SYT1: variants seen among roughly 807,000 people sequenced by gnomAD.
SYT1 encodes synaptotagmin 1, also known as synaptotagmin-1.
A neutral mutation model predicts 44.8 loss-of-function variants in SYT1; 8 were observed. That is an observed-to-expected ratio of 0.18 (90% CI 0.10 to 0.32). SYT1 has a LOEUF of 0.32. SYT1 is among the 10% of genes least tolerant of loss of function. SYT1 has a pLI of 1.00. For missense variants in SYT1, 286 were observed against 509.3 expected, an observed-to-expected ratio of 0.56 and a Z score of 4.22; for synonymous variants, 154 against 188.8, an observed-to-expected ratio of 0.82 and a Z score of 1.51.
intron 10 of SYT1, among the ~76,000 whole-genome samples, chr12:79,446,482 A>G (rs138647477): frequency 6.6e-6 from 1 of 152,162 alleles, no homozygotes; most frequent in East Asian, 1.9e-4. Flanking sequence ...TAATTTGACC[A>G]AGGAACGTTA....
chr12:79,220,054 T>C (rs539424526), intron 4 of SYT1, among the ~76,000 whole-genome samples: 2 of 152,120 alleles, frequency 1.3e-5, no homozygotes, highest in Admixed American at 6.5e-5. Context: ...AGATATAAGG[T>C]CTTCACTTAT....
chr12:78,897,255 T>C (rs1022563703), intron 1 of SYT1, among the ~76,000 whole-genome samples: 1 of 151,836 alleles, frequency 6.6e-6, no homozygotes, highest in Non-Finnish European at 1.5e-5. Flanking sequence ...TTTAAAAATG[T>C]CAAATACCAG....
intron 2 of SYT1, among the ~76,000 whole-genome samples, chr12:79,007,122 A>G (rs1288206241): frequency 6.6e-6 from 1 of 152,154 alleles, no homozygotes; most frequent in Non-Finnish European, 1.5e-5. Context: ...GACAGGCATG[A>G]CAGCCAGCCA....
chr12:79,391,644 A>T (rs893000754), intron 9 of SYT1, among the ~76,000 whole-genome samples: 7 of 152,258 alleles, frequency 4.6e-5, no homozygotes, highest in Non-Finnish European at 7.4e-5. Context: ...AAAAGAAGAC[A>T]TTATCTTTTG....
At chr12:78,954,279 T>A (rs1013181867) in intron 1 of SYT1, among the ~76,000 whole-genome samples, 1 of 152,138 alleles carries the variant, frequency 6.6e-6, no homozygotes, top group Non-Finnish European at 1.5e-5. Flanking sequence ...ACCATGAAAA[T>A]AAATCTGCTG....
intron 2 of SYT1, among the ~76,000 whole-genome samples, chr12:79,036,168 A>G (rs1030449015): frequency 1.3e-5 from 2 of 151,816 alleles, no homozygotes; most frequent in Non-Finnish European, 2.9e-5. Flanking sequence ...TATATAGTGC[A>G]TGGCCTCCTC....
At chr12:79,133,606 G>C (rs1047402572) in intron 3 of SYT1, among the ~76,000 whole-genome samples, 2 of 152,058 alleles carry the variant, frequency 1.3e-5, no homozygotes, top group African/African-American at 2.4e-5. Context: ...CTAATGATGA[G>C]ATGACAGACC....
At chr12:78,882,970 A>T (rs901569779) in intron 1 of SYT1, among the ~76,000 whole-genome samples, 5 of 151,640 alleles carry the variant, frequency 3.3e-5, no homozygotes, top group African/African-American at 4.8e-5. Flanking sequence ...CTACCTAAAA[A>T]AGTGCAGTGA....
At chr12:79,319,357 C>T (rs1881248723) in intron 8 of SYT1, among the ~76,000 whole-genome samples, 1 of 152,074 alleles carries the variant, frequency 6.6e-6, no homozygotes, top group South Asian at 2.1e-4. Flanking sequence ...ATTATTATCC[C>T]CAATTTATAG....
At chr12:79,402,604 A>C (rs1251195358) in intron 9 of SYT1, among the ~76,000 whole-genome samples, 1 of 152,176 alleles carries the variant, frequency 6.6e-6, no homozygotes, top group East Asian at 1.9e-4. Flanking sequence ...CAGGAAAAAA[A>C]CTGCAACAAA....
chr12:79,125,906 T>C (rs2138154832), intron 3 of SYT1, among the ~76,000 whole-genome samples: 1 of 152,268 alleles, frequency 6.6e-6, no homozygotes, highest in Middle Eastern at 3.4e-3. Flanking sequence ...ACTTTCCTTA[T>C]TTGTTTTTTT....
At chr12:79,369,158 A>G (rs1215148584) in intron 9 of SYT1, among the ~76,000 whole-genome samples, 1 of 152,158 alleles carries the variant, frequency 6.6e-6, no homozygotes, top group Admixed American at 6.6e-5. Context: ...TAAACCTGAA[A>G]CCTATCTATA....
At chr12:79,332,168 A>G (rs1881884834) in intron 8 of SYT1, among the ~76,000 whole-genome samples, 1 of 152,214 alleles carries the variant, frequency 6.6e-6, no homozygotes. Flanking sequence ...TACATGCAAA[A>G]TGAAACAAAC....
At chr12:79,134,840 A>G (rs1410117152) in intron 3 of SYT1, among the ~76,000 whole-genome samples, 2 of 152,094 alleles carry the variant, frequency 1.3e-5, no homozygotes, top group East Asian at 1.9e-4. Context: ...TGGAGAAAAT[A>G]AGGAGATGTT....
chr12:79,183,127 A>G (rs1366808303), intron 3 of SYT1, among the ~76,000 whole-genome samples: 1 of 152,086 alleles, frequency 6.6e-6, no homozygotes, highest in African/African-American at 2.4e-5. Context: ...TAGAGATTCA[A>G]GCTAGACAAA....
chr12:79,266,417 A>C (rs1018914788), intron 4 of SYT1, among the ~76,000 whole-genome samples: 1 of 152,210 alleles, frequency 6.6e-6, no homozygotes, highest in Admixed American at 6.5e-5. Flanking sequence ...AAAGAAAAAA[A>C]AATAAAGGGG....
At chr12:78,925,541 CT>C (rs1328600258) in intron 1 of SYT1, among the ~76,000 whole-genome samples, 2 of 151,654 alleles carry the variant, frequency 1.3e-5, no homozygotes. Flanking sequence ...GTTTTCTATT[CT>C]TTTTAAAGTA....
chr12:79,342,403 T>A (rs188817429), intron 8 of SYT1, among the ~76,000 whole-genome samples: 2 of 148,994 alleles, frequency 1.3e-5, no homozygotes, highest in Non-Finnish European at 2.9e-5. Flanking sequence ...GGCTATTTTT[T>A]TGTTTTTTGT....
At chr12:79,216,385 C>T (rs1874807036) in intron 3 of SYT1, among the ~76,000 whole-genome samples, 1 of 152,176 alleles carries the variant, frequency 6.6e-6, no homozygotes, top group Non-Finnish European at 1.5e-5. Flanking sequence ...AAATCATGCC[C>T]ATTCTTTCCT....
Sources: gnomAD v4.1 joint callset for allele counts (sites outside exome capture counted in the v4.1 genomes callset) on GRCh38, gnomAD v4.1.1 for gene constraint, MANE v1.5 for transcripts, NCBI Gene and HGNC (gene_info 2026-07-23, HGNC 2026-07-21) for gene names.